The following FAM83F variants were observed in gnomAD, a reference collection of about 807,000 sequenced individuals.
FAM83F encodes the protein protein FAM83F.
FAM83F carries 45 observed loss-of-function variants against 42.9 expected under a neutral mutation model. The ratio of observed to expected loss-of-function variants is 1.05; its 90% CI spans 0.83 to 1.35. The LOEUF is 1.35. FAM83F is among the 40% of genes most tolerant of loss of function. The pLI, the probability that FAM83F is intolerant of heterozygous loss-of-function variation, is 0.00. For missense variants in FAM83F, 617 were observed against 695.9 expected, an observed-to-expected ratio of 0.89 and a Z score of 1.28; for synonymous variants, 306 against 298.3, an observed-to-expected ratio of 1.03 and a Z score of -0.27.
chr22:40,019,462 C>G (rs561721820), intron 2 of FAM83F, 127 bp downstream of exon 2: 1 of 815,784 alleles, frequency 1.2e-6, no homozygotes, highest in East Asian at 2.6e-5. Flanking sequence ...ATCTCAACAC[C>G]TTTCCTTTTG....
intron 1 of FAM83F, among the ~76,000 whole-genome samples, chr22:39,999,487 C>T (rs555398924): frequency 7.9e-5 from 12 of 152,342 alleles, no homozygotes; most frequent in Admixed American, 2.0e-4. Flanking sequence ...CCCAGCTAAC[C>T]AGCTCATCTT....
Position 39,995,357 on chromosome 22 carries a change from G to A in FAM83F, c.315G>A (p.Leu105=). 1.9e-6 allele frequency: 3 copies of A among 1,543,516 alleles called. No individual in the cohort carries two copies. The highest frequency in any genetic ancestry group is 2.6e-6 in the Non-Finnish European group (3 of 1,146,510). The change falls in exon 1 of 5, where the codon CTG becomes CTA. Residue 105 remains leucine, a synonymous_variant. Coordinates refer to ENST00000333407, the MANE Select transcript of FAM83F (RefSeq NM_138435.4). The surrounding 1 kb of genome is among the most constrained non-coding windows in gnomAD (Gnocchi z 4.6). ...APAPAESGES[L]AYWPDRSDTE... ...CGCCGGCTGAGTCCGGCGAGTCCCTGGCCTACTGGCCCGACCGTTCCGACA... is the reference window on the plus strand; with the variant it reads ...CGCCGGCTGAGTCCGGCGAGTCCCTAGCCTACTGGCCCGACCGTTCCGACA...
At chr22:40,000,774 T>C (rs2067396869) in intron 1 of FAM83F, among the ~76,000 whole-genome samples, 1 of 152,190 alleles carries the variant, frequency 6.6e-6, no homozygotes, top group African/African-American at 2.4e-5. Flanking sequence ...TTTTCTCCCA[T>C]TATCCTCCTC....
chr22:40,029,859 C>G lies in FAM83F; in HGVS notation c.*294C>G, dbSNP rs1158127450. The G allele has an allele frequency of 2.8e-6, 1 of 357,880 alleles. No homozygotes were observed. The highest frequency in any genetic ancestry group is 5.6e-5 in the East Asian group (1 of 17,806). 22.2% of individuals were successfully genotyped at this position (357,880 alleles called of 1,614,324 possible). On this transcript the variant is annotated 3_prime_UTR_variant, in exon 5 of 5. Coordinates refer to ENST00000333407, the MANE Select transcript of FAM83F (RefSeq NM_138435.4). Reference sequence around the variant, plus strand: ...GTCTGCTCGCCTTTGTGCCCCACCCCCTCCGCTGATTGCCAGATGGGGTGA... The same window carrying G: ...GTCTGCTCGCCTTTGTGCCCCACCCGCTCCGCTGATTGCCAGATGGGGTGA...
In FAM83F at chr22:40,036,800, C is replaced by A. The variant is rs901765921; in HGVS notation, c.*7235C>A. On this transcript the variant is annotated 3_prime_UTR_variant, in exon 5 of 5. Transcript: ENST00000333407. ...TTGGAGAAGCCCACGCGGCTGGCAGCATCATGGTGAGAGGCTGACACCTTG... is the reference window on the plus strand; with the variant it reads ...TTGGAGAAGCCCACGCGGCTGGCAGAATCATGGTGAGAGGCTGACACCTTG... 3.3e-5 allele frequency: 5 copies of A among 152,324 alleles called. No individual in the cohort carries two copies. Among genetic ancestry groups the A allele is most frequent in the African/African-American group, 1.2e-4 (5 of 41,462 alleles). The allele number at this position is 152,324 out of a possible 1,614,324, so 9.4% of individuals were successfully genotyped here. A position where few individuals can be genotyped will look rare whatever the true frequency, so the allele number is the denominator to read the frequency against.
At chr22:40,014,275 T>C (rs2067483133) in intron 1 of FAM83F, among the ~76,000 whole-genome samples, 1 of 152,050 alleles carries the variant, frequency 6.6e-6, no homozygotes, top group African/African-American at 2.4e-5. Context: ...AAATGTTTCA[T>C]GTGGGTTTTT....
At chr22:40,000,678 G>A (rs2067396318) in intron 1 of FAM83F, among the ~76,000 whole-genome samples, 1 of 152,170 alleles carries the variant, frequency 6.6e-6, no homozygotes, top group Admixed American at 6.6e-5. Context: ...TGAAAGTCAA[G>A]CAATACATTC....
chr22:40,027,176 G>A (rs2067558126), intron 4 of FAM83F, among the ~76,000 whole-genome samples: 1 of 152,114 alleles, frequency 6.6e-6, no homozygotes, highest in South Asian at 2.1e-4. Context: ...CTCTAACCAA[G>A]GAGCCTCGGA....
chr22:40,039,721 G>C lies in FAM83F; in HGVS notation c.*10156G>C, dbSNP rs1327156572. On this transcript the variant is annotated 3_prime_UTR_variant, in exon 5 of 5. Coordinates refer to ENST00000333407, the MANE Select transcript of FAM83F (RefSeq NM_138435.4). ...TTGAAGGAGCTTAGAGAAAGAGATG[G>C]TAGGGAAAAGAGCATGAACAGTTGT... The C allele has an allele frequency of 1.3e-5, 2 of 152,270 alleles. No homozygotes were observed. Among genetic ancestry groups the C allele is most frequent in the African/African-American group, 4.8e-5 (2 of 41,456 alleles). The allele number at this position is 152,270 out of a possible 1,614,324, so 9.4% of individuals were successfully genotyped here. A position where few individuals can be genotyped will look rare whatever the true frequency, so the allele number is the denominator to read the frequency against.
rs2067534059 is a variant in FAM83F at position 40,023,532 on chromosome 22, C to T, written c.1453+1569C>T. Among the ~76,000 whole-genome samples the T allele has an allele frequency of 6.6e-6, 1 of 152,160 alleles. No individual in the cohort carries two copies. The highest frequency in any genetic ancestry group is 2.4e-5 in the African/African-American group (1 of 41,436). On this transcript the variant is annotated intron_variant, in intron 4 of 4. Transcript: ENST00000333407. This position sits in a 1 kb window ranked among gnomAD's most constrained non-coding sequence, Gnocchi z 4.1. ...GACTGAAGTGGAGTGGAAGCTTTCT[C>T]TTCCTTCAGCCCCTCGCCCTGAGAT... is the stretch of plus-strand genomic sequence containing the variant.
At chr22:40,024,454 C>A (rs1244491032) in intron 4 of FAM83F, among the ~76,000 whole-genome samples, 5 of 152,184 alleles carry the variant, frequency 3.3e-5, no homozygotes, top group African/African-American at 1.2e-4. Context: ...GGGCACCCAC[C>A]GTGGGAATCA....
Position 40,023,296 on chromosome 22 carries a change from G to A in FAM83F, c.1453+1333G>A, listed in dbSNP as rs191497371. On this transcript the variant is annotated intron_variant, in intron 4 of 4. Transcript: ENST00000333407. This position sits in a 1 kb window ranked among gnomAD's most constrained non-coding sequence, Gnocchi z 4.1. ...ACAGCCATGTTCTGTCAGGGGAGGG[G>A]TGGCTGGCCCCATCCCCATTCCTCC... Among the ~76,000 whole-genome samples, 10 of 152,294 alleles carry A rather than the reference G, an allele frequency of 6.6e-5. No individual in the cohort carries two copies. In the South Asian group the frequency reaches 1.0e-3, roughly 16 times the overall value.
Position 40,040,246 on chromosome 22 carries a change from G to A in FAM83F, c.*10681G>A, listed in dbSNP as rs934316160. Reference sequence around the variant, plus strand: ...GGTTCCCAAGTCAGACATCCCAGAGGCAATATAGCAGCGTGGACAAGAGCT... The same window carrying A: ...GGTTCCCAAGTCAGACATCCCAGAGACAATATAGCAGCGTGGACAAGAGCT... On this transcript the variant is annotated 3_prime_UTR_variant, in exon 5 of 5. Transcript: ENST00000333407. The A allele has an allele frequency of 4.6e-5, 7 of 152,198 alleles. No homozygotes were observed. Among genetic ancestry groups the A allele is most frequent in the Admixed American group, 1.3e-4 (2 of 15,280 alleles). 9.4% of individuals were successfully genotyped at this position (152,198 alleles called of 1,614,324 possible).
chr22:40,042,440 T>TA lies in FAM83F; in HGVS notation c.*12877dup, dbSNP rs1462224200. The TA allele has an allele frequency of 1.3e-5, 2 of 152,282 alleles. No homozygotes were observed. Among genetic ancestry groups the TA allele is most frequent in the African/African-American group, 4.8e-5 (2 of 41,470 alleles). 9.4% of individuals were successfully genotyped at this position (152,282 alleles called of 1,614,324 possible). On this transcript the variant is annotated 3_prime_UTR_variant, in exon 5 of 5. Coordinates refer to ENST00000333407, the MANE Select transcript of FAM83F (RefSeq NM_138435.4). ...CACCAGTCTCTTGCCTAGCTAACCGTAACTCATTCTTTAGTTCTCCTTGAA... is the reference window on the plus strand; with the variant it reads ...CACCAGTCTCTTGCCTAGCTAACCGTAAACTCATTCTTTAGTTCTCCTTGAA...
chr22:40,003,979 G>T (rs1415912792), intron 1 of FAM83F, among the ~76,000 whole-genome samples: 1 of 152,108 alleles, frequency 6.6e-6, no homozygotes, highest in African/African-American at 2.4e-5. Context: ...CTACCTTTCA[G>T]TGGGCCATTG....
At chr22:40,004,402 A>G (rs1356135861) in intron 1 of FAM83F, among the ~76,000 whole-genome samples, 1 of 151,972 alleles carries the variant, frequency 6.6e-6, no homozygotes, top group Non-Finnish European at 1.5e-5. Context: ...TACTGGGTTC[A>G]AGCGATTCTT....
intron 3 of FAM83F, 144 bp downstream of exon 3, chr22:40,020,152 G>A (rs2067512033): frequency 8.2e-7 from 1 of 1,224,060 alleles, no homozygotes; most frequent in African/African-American, 1.6e-5. Flanking sequence ...TTTCTGCCCA[G>A]TCCCTTCCCT....
intron 4 of FAM83F, among the ~76,000 whole-genome samples, chr22:40,028,536 T>C (rs909697897): frequency 2.0e-5 from 3 of 152,088 alleles, no homozygotes; most frequent in African/African-American, 4.8e-5. Flanking sequence ...CTCCAGCGCC[T>C]GACACCTCGC....
rs943668426 is a variant in FAM83F at position 40,042,615 on chromosome 22, G to A, written c.*13050G>A. 6.6e-6 allele frequency: 1 copy of A among 152,224 alleles called. No homozygotes were observed. The highest frequency in any genetic ancestry group is 1.5e-5 in the Non-Finnish European group (1 of 68,056). 9.4% of individuals were successfully genotyped at this position (152,224 alleles called of 1,614,324 possible). On this transcript the variant is annotated 3_prime_UTR_variant, in exon 5 of 5. Transcript: ENST00000333407. ...CCCCTACTCGACTGAGGTCCTTGAA[G>A]GAAGAGAGAGTGTATCACTCATCTG... is the stretch of plus-strand genomic sequence containing the variant.
Sources: gnomAD v4.1 joint callset for allele counts (sites outside exome capture counted in the v4.1 genomes callset) on GRCh38, gnomAD v4.1.1 for gene constraint, Gnocchi (gnomAD v3.1) non-coding constraint, MANE v1.5 for transcripts, NCBI Gene and HGNC (gene_info 2026-07-23, HGNC 2026-07-21) for gene names.